Variants in CYP19A1 observed in about 807,000 individuals in gnomAD.
CYP19A1 encodes the protein cytochrome P450 family 19 subfamily A member 1.
A neutral mutation model predicts 44.4 loss-of-function variants in CYP19A1; 32 were observed. The ratio of observed to expected loss-of-function variants is 0.72; its 90% CI spans 0.54 to 0.97. CYP19A1 has a LOEUF of 0.97. Ranked by LOEUF, CYP19A1 falls within the 50% of genes least tolerant of loss-of-function variation. The pLI is 0.00. For synonymous variants in CYP19A1, 212 were observed against 215.6 expected (o/e 0.98, Z 0.14); for missense variants, 598 against 637.8 (o/e 0.94, Z 0.67).
intron 1 of CYP19A1, chr15:51,313,078 C>G (rs1048373487): frequency 6.6e-6 from 1 of 152,232 alleles, no homozygotes; most frequent in Non-Finnish European, 1.5e-5. Context: ...CTTCATGAGC[C>G]ATTTTCAGCT....
chr15:51,250,118 G>A (rs1178739238), intron 1 of CYP19A1, among the ~76,000 whole-genome samples: 1 of 152,186 alleles, frequency 6.6e-6, no homozygotes, highest in Non-Finnish European at 1.5e-5. Flanking sequence ...TGAGCAAAAA[G>A]CCCTGAAGGC....
chr15:51,248,711 G>A (rs2034174226), intron 1 of CYP19A1, among the ~76,000 whole-genome samples: 1 of 152,058 alleles, frequency 6.6e-6, no homozygotes, highest in African/African-American at 2.4e-5. Flanking sequence ...GCCTTCATAC[G>A]TGCTTGTTAC....
At chr15:51,231,107 A>C (rs1432039768) in intron 3 of CYP19A1, among the ~76,000 whole-genome samples, 1 of 152,246 alleles carries the variant, frequency 6.6e-6, no homozygotes, top group African/African-American at 2.4e-5. Flanking sequence ...GATCAAATTT[A>C]ACATCAGTGC....
intron 1 of CYP19A1, among the ~76,000 whole-genome samples, chr15:51,267,611 A>T (rs1014285695): frequency 2.0e-5 from 3 of 152,246 alleles, no homozygotes; most frequent in Non-Finnish European, 4.4e-5. Flanking sequence ...AACCTGTCCC[A>T]GGAAGACGCA....
intron 6 of CYP19A1, 152 bp downstream of exon 6, chr15:51,218,389 A>G: frequency 1.6e-6 from 2 of 1,214,484 alleles, no homozygotes; most frequent in Non-Finnish European, 2.2e-6. Context: ...AATTGCTGTA[A>G]AAAGTGTTTC....
intron 1 of CYP19A1, among the ~76,000 whole-genome samples, chr15:51,250,355 C>T (rs2034259023): frequency 6.6e-6 from 1 of 152,212 alleles, no homozygotes; most frequent in South Asian, 2.1e-4. Flanking sequence ...TGTAGAATCA[C>T]TCCTTTCTTC....
intron 4 of CYP19A1, among the ~76,000 whole-genome samples, chr15:51,224,043 T>C (rs1011800826): frequency 6.6e-5 from 10 of 152,206 alleles, no homozygotes; most frequent in Non-Finnish European, 1.3e-4. Context: ...TGCTAAAAAG[T>C]ATTGACTCTA....
At chr15:51,224,449 T>C (rs540110337) in intron 4 of CYP19A1, among the ~76,000 whole-genome samples, 3 of 152,362 alleles carry the variant, frequency 2.0e-5, no homozygotes, top group East Asian at 3.9e-4. Flanking sequence ...GGTCCAGTTA[T>C]GTAGCACTTT....
At chr15:51,336,905 A>G (rs2036785052) in intron 1 of CYP19A1, among the ~76,000 whole-genome samples, 1 of 91,846 alleles carries the variant, frequency 1.1e-5, no homozygotes, top group Admixed American at 1.1e-4. Flanking sequence ...GGCCAGATTG[A>G]TAGCTTTTTT....
intron 1 of CYP19A1, among the ~76,000 whole-genome samples, chr15:51,289,660 C>G (rs1369457003): frequency 6.6e-6 from 1 of 152,214 alleles, no homozygotes; most frequent in Admixed American, 6.5e-5. Flanking sequence ...CATCCTCTCC[C>G]CACCCCTTGC....
At chr15:51,226,090 GAAAAAAAAA>G (rs55642133) in intron 4 of CYP19A1, among the ~76,000 whole-genome samples, 4 of 44,432 alleles carry the variant, frequency 9.0e-5, no homozygotes, top group East Asian at 7.7e-4. Context: ...CTCTGTCTCA[GAAAAAAAAA>G]AAAAAAAAAA....
At chr15:51,302,036 C>A (rs2036124573) in intron 1 of CYP19A1, among the ~76,000 whole-genome samples, 1 of 152,052 alleles carries the variant, frequency 6.6e-6, no homozygotes, top group Non-Finnish European at 1.5e-5. Context: ...TCTTAATCTC[C>A]CCCTTTATCA....
At chr15:51,259,887 A>C (rs1199265840) in intron 1 of CYP19A1, among the ~76,000 whole-genome samples, 3 of 152,238 alleles carry the variant, frequency 2.0e-5, no homozygotes, top group African/African-American at 7.2e-5. Context: ...TGAACACCAA[A>C]AAAGTGCAAT....
intron 8 of CYP19A1, 123 bp downstream of exon 8, chr15:51,214,947 G>T: frequency 6.9e-7 from 1 of 1,440,060 alleles, no homozygotes. Context: ...AGAATGTCTT[G>T]CTTTATTGTT....
At chr15:51,226,430 G>A (rs1409274414) in intron 4 of CYP19A1, among the ~76,000 whole-genome samples, 2 of 152,220 alleles carry the variant, frequency 1.3e-5, no homozygotes, top group African/African-American at 4.8e-5. Context: ...TTAGTTTGTG[G>A]CAATTTGTTA....
intron 1 of CYP19A1, among the ~76,000 whole-genome samples, chr15:51,311,916 G>A (rs953018048): frequency 2.0e-5 from 3 of 152,144 alleles, no homozygotes; most frequent in African/African-American, 4.8e-5. Context: ...AGCCCCTTCA[G>A]CTCTAAAATA....
intron 1 of CYP19A1, among the ~76,000 whole-genome samples, chr15:51,316,290 A>G (rs1434266918): frequency 6.6e-6 from 1 of 152,202 alleles, no homozygotes; most frequent in African/African-American, 2.4e-5. Context: ...GGAGTTCAAG[A>G]CCAGCCTGGG....
At chr15:51,330,296 C>T (rs140225017) in intron 1 of CYP19A1, among the ~76,000 whole-genome samples, 24 of 151,838 alleles carry the variant, frequency 1.6e-4, no homozygotes, top group East Asian at 5.8e-4. Context: ...AGTGGCACAG[C>T]GACATCGTTG....
chr15:51,310,277 C>T (rs1362178764), intron 1 of CYP19A1, among the ~76,000 whole-genome samples: 4 of 152,048 alleles, frequency 2.6e-5, no homozygotes, highest in African/African-American at 4.8e-5. Flanking sequence ...AGCTAGATTG[C>T]GAAAAGAAGT....
Sources: allele counts gnomAD v4.1 joint callset (sites outside exome capture counted in the v4.1 genomes callset), GRCh38; gene constraint gnomAD v4.1.1; transcripts MANE v1.5; gene names NCBI Gene and HGNC (gene_info 2026-07-23, HGNC 2026-07-21).